Variants in PCDHA11 observed in about 807,000 individuals in gnomAD.
PCDHA11 encodes the protein protocadherin alpha-11.
A neutral mutation model predicts 70.3 loss-of-function variants in PCDHA11; 61 were observed. The ratio of observed to expected loss-of-function variants is 0.87; its 90% CI spans 0.71 to 1.07. The LOEUF (loss-of-function observed/expected upper bound fraction) is 1.07. PCDHA11 is among the 50% of genes least tolerant of loss of function. The pLI, the probability that PCDHA11 is intolerant of heterozygous loss-of-function variation, is 0.00. For synonymous variants in PCDHA11, 633 were observed against 555.1 expected (o/e 1.14, Z -1.97); for missense variants, 1,324 against 1,237.5 (o/e 1.07, Z -1.05).
intron 1 of PCDHA11, among the ~76,000 whole-genome samples, chr5:140,895,618 T>C (rs569188891): frequency 1.1e-4 from 16 of 152,206 alleles, no homozygotes; most frequent in African/African-American, 3.9e-4. Context: ...TCATTGAGGG[T>C]GTTGTCTTTT....
chr5:140,972,773 T>C (rs201511055), intron 1 of PCDHA11, among the ~76,000 whole-genome samples: 2 of 151,600 alleles, frequency 1.3e-5, no homozygotes, highest in African/African-American at 2.4e-5. Context: ...AAGTGATTCT[T>C]CTGCCTCAGC....
chr5:140,935,393 C>T (rs1213341467), intron 1 of PCDHA11, among the ~76,000 whole-genome samples: 2 of 152,166 alleles, frequency 1.3e-5, no homozygotes, highest in Admixed American at 6.5e-5. Context: ...TGTTATCCCA[C>T]GGGACTCAAA....
At chr5:140,959,259 C>G (rs781794121) in intron 1 of PCDHA11, among the ~76,000 whole-genome samples, 1 of 152,040 alleles carries the variant, frequency 6.6e-6, no homozygotes, top group African/African-American at 2.4e-5. Context: ...TGACTGTAGT[C>G]CCAGCTACCC....
At chr5:140,944,304 C>T (rs1383475197) in intron 1 of PCDHA11, among the ~76,000 whole-genome samples, 1 of 152,162 alleles carries the variant, frequency 6.6e-6, no homozygotes, top group Non-Finnish European at 1.5e-5. Context: ...CCTCCTACCT[C>T]AGCCTCCTGA....
chr5:140,996,136 C>A (rs1484642740), intron 3 of PCDHA11, among the ~76,000 whole-genome samples: 1 of 152,104 alleles, frequency 6.6e-6, no homozygotes, highest in African/African-American at 2.4e-5. Context: ...GAGGGTTCTC[C>A]CATTATCTTG....
chr5:140,963,117 AAG>A (rs1292385306), intron 1 of PCDHA11, among the ~76,000 whole-genome samples: 1 of 152,182 alleles, frequency 6.6e-6, no homozygotes, highest in African/African-American at 2.4e-5. Flanking sequence ...CTTATAATTA[AAG>A]AGATAATATT....
chr5:140,980,030 C>T (rs552658283), intron 2 of PCDHA11, among the ~76,000 whole-genome samples: 29 of 152,292 alleles, frequency 1.9e-4, no homozygotes, highest in Admixed American at 4.6e-4. Flanking sequence ...GAAATCATTA[C>T]ATTGGGTGCT....
At chr5:140,965,442 G>A (rs782186943) in intron 1 of PCDHA11, among the ~76,000 whole-genome samples, 3 of 151,978 alleles carry the variant, frequency 2.0e-5, no homozygotes, top group Non-Finnish European at 4.4e-5. Flanking sequence ...CATTGAAATT[G>A]CTGGTTATTG....
intron 3 of PCDHA11, among the ~76,000 whole-genome samples, chr5:141,003,459 GCAC>G (rs1442979686): frequency 6.6e-6 from 1 of 152,028 alleles, no homozygotes; most frequent in African/African-American, 2.4e-5. Context: ...TTACAGGCGT[GCAC>G]CACCACAGTC....
intron 1 of PCDHA11, chr5:140,929,343 A>G (rs1204297753): frequency 2.0e-6 from 3 of 1,531,032 alleles, no homozygotes; most frequent in Non-Finnish European, 2.6e-6. Context: ...AATTTTATGG[A>G]ATTTGATTCC....
intron 3 of PCDHA11, among the ~76,000 whole-genome samples, chr5:140,985,361 G>T (rs1453706797): frequency 1.3e-5 from 2 of 152,132 alleles, no homozygotes; most frequent in Non-Finnish European, 2.9e-5. Flanking sequence ...GACCCTCTGA[G>T]GTTATCTGGG....
At chr5:140,944,290 C>T (rs912018562) in intron 1 of PCDHA11, among the ~76,000 whole-genome samples, 8 of 152,124 alleles carry the variant, frequency 5.3e-5, no homozygotes, top group African/African-American at 9.7e-5. Flanking sequence ...CGGGCTCAAG[C>T]GATCCTCCTA....
intron 1 of PCDHA11, among the ~76,000 whole-genome samples, chr5:140,951,667 C>T (rs180768474): frequency 6.6e-6 from 1 of 152,156 alleles, no homozygotes; most frequent in African/African-American, 2.4e-5. Context: ...GGCCTGCCTA[C>T]AAAATTGGGG....
chr5:140,941,461 G>A (rs1202773112), intron 1 of PCDHA11, among the ~76,000 whole-genome samples: 7 of 150,524 alleles, frequency 4.7e-5, no homozygotes, highest in Non-Finnish European at 7.4e-5. Context: ...GATTACAGGC[G>A]CCCACCACCA....
At chr5:141,003,467 A>G (rs1262411574) in intron 3 of PCDHA11, among the ~76,000 whole-genome samples, 1 of 152,036 alleles carries the variant, frequency 6.6e-6, no homozygotes, top group Non-Finnish European at 1.5e-5. Context: ...GTGCACCACC[A>G]CAGTCTCGCT....
At chr5:140,871,729 G>T in intron 1 of PCDHA11, 2 of 714,516 alleles carry the variant, frequency 2.8e-6, no homozygotes, top group South Asian at 2.4e-5. Context: ...TTAATATTTG[G>T]TTAGCAAATC....
At chr5:140,996,200 A>G (rs1338736394) in intron 3 of PCDHA11, among the ~76,000 whole-genome samples, 1 of 152,236 alleles carries the variant, frequency 6.6e-6, no homozygotes, top group South Asian at 2.1e-4. Flanking sequence ...CCCTCAATGC[A>G]AGGATATCAC....
At chr5:140,948,245 A>G (rs1554218500) in intron 1 of PCDHA11, among the ~76,000 whole-genome samples, 2 of 151,606 alleles carry the variant, frequency 1.3e-5, no homozygotes, top group African/African-American at 4.8e-5. Flanking sequence ...TTTAGTAAAT[A>G]TTTTTACATC....
rs201090787 is a variant in PCDHA11, at chr5:140,876,840, G to A, written c.2391+5346G>A. On this transcript the variant is annotated intron_variant, in intron 1 of 3. Coordinates refer to ENST00000398640, the MANE Select transcript of PCDHA11 (RefSeq NM_018902.5). Reference sequence around the variant, plus strand: ...TGAACGACAATGCGCCTGCGTTCGCGCAGCCCGAGTACACAGTGTTCGTGA... The same window carrying A: ...TGAACGACAATGCGCCTGCGTTCGCACAGCCCGAGTACACAGTGTTCGTGA... 2.5e-6 allele frequency: 4 copies of A among 1,614,166 alleles called. No homozygotes were observed. In the East Asian group the frequency reaches 6.7e-5, roughly 27 times the overall value.
Sources: allele counts gnomAD v4.1 joint callset (sites outside exome capture counted in the v4.1 genomes callset), GRCh38; gene constraint gnomAD v4.1.1; transcripts MANE v1.5; gene names NCBI Gene and HGNC (gene_info 2026-07-23, HGNC 2026-07-21).